ERGIC1: variants seen among roughly 807,000 people sequenced by gnomAD.
ERGIC1 encodes the protein endoplasmic reticulum-Golgi intermediate compartment protein 1.
ERGIC1 carries 19 observed loss-of-function variants against 38.3 expected under a neutral mutation model. The ratio of observed to expected loss-of-function variants is 0.50; its 90% CI spans 0.35 to 0.73. ERGIC1 has a LOEUF of 0.73. ERGIC1 is among the 30% of genes least tolerant of loss of function. The probability of loss-of-function intolerance (pLI) is 0.01; values close to 1 mark genes in which losing one functional copy is unlikely to be tolerated. For missense variants in ERGIC1, 294 were observed against 389.2 expected (o/e 0.76, Z 2.06); for synonymous variants, 124 against 157.6 (o/e 0.79, Z 1.60).
At chr5:172,893,935 G>GTGTGTGTGTATATATA (rs1429850022) in intron 2 of ERGIC1, among the ~76,000 whole-genome samples, 2 of 42,826 alleles carry the variant, frequency 4.7e-5, no homozygotes, top group South Asian at 8.7e-4. Context: ...GTGTGTGTGT[G>GTGTGTGTGTATATATA]TATATATATA....
chr5:172,898,071 T>G (rs1193539147), intron 3 of ERGIC1: 59 of 396,228 alleles, frequency 1.5e-4, no homozygotes, highest in Non-Finnish European at 1.3e-5. Flanking sequence ...TCAAAGCCTC[T>G]TCATTTCTGT....
At position 172,837,165 on chromosome 5, in the gene ERGIC1, A is replaced by C. The variant is rs1238858324; in HGVS notation, c.20+2732A>C. ...CCCCTTCTTAAAATCAGAAGCAGGA[A>C]AAATAGTGCACTCTTGCCCTTCCCT... On this transcript the variant is annotated intron_variant, in intron 1 of 9. Transcript: ENST00000393784. This position sits in a 1 kb window ranked among gnomAD's most constrained non-coding sequence, Gnocchi z 4.3. 6.6e-6 allele frequency among the ~76,000 whole-genome samples: 1 copy of C among 152,118 alleles called. No homozygotes were observed. The highest frequency in any genetic ancestry group is 1.5e-5 in the Non-Finnish European group (1 of 68,018).
chr5:172,918,857 T>C (rs1763440577), intron 5 of ERGIC1, among the ~76,000 whole-genome samples: 1 of 152,194 alleles, frequency 6.6e-6, no homozygotes, highest in South Asian at 2.1e-4. Context: ...GAACCACTAC[T>C]CACCCACAGG....
Position 172,914,784 on chromosome 5 carries a change from C to T in ERGIC1, c.321C>T (p.Ile107=). ...EVGHIDNSMK[I]PLNNGAGCRF... ...GCCACATCGACAACTCCATGAAGAT[C>T]CCGCTGAACAATGGGGCAGGCTGCC... The change falls in exon 5 of 10, where the codon ATC becomes ATT. Residue 107 remains isoleucine, a synonymous_variant. Transcript: ENST00000393784. The T allele has an allele frequency of 3.7e-6, 6 of 1,614,188 alleles. No homozygotes were observed. Among genetic ancestry groups the T allele is most frequent in the East Asian group, 4.5e-5 (2 of 44,888 alleles).
At chr5:172,864,263 G>A (rs897676759) in intron 1 of ERGIC1, among the ~76,000 whole-genome samples, 1 of 133,684 alleles carries the variant, frequency 7.5e-6, no homozygotes, top group Non-Finnish European at 1.6e-5. Flanking sequence ...TAAATATTTT[G>A]TAGTCTTTTT....
intron 1 of ERGIC1, among the ~76,000 whole-genome samples, chr5:172,838,679 T>G (rs1440353799): frequency 6.6e-6 from 1 of 152,076 alleles, no homozygotes; most frequent in East Asian, 2.0e-4. Context: ...TCATCCTCCT[T>G]CCTTGGCCTC....
intron 2 of ERGIC1, among the ~76,000 whole-genome samples, chr5:172,893,156 GT>G (rs1274946998): frequency 6.6e-6 from 1 of 151,808 alleles, no homozygotes; most frequent in African/African-American, 2.4e-5. Flanking sequence ...GTTTTGTTTC[GT>G]TTTTTTTGAG....
At position 172,846,461 on chromosome 5, in the gene ERGIC1, T is replaced by C. The variant is rs561438790; in HGVS notation, c.20+12028T>C. Among the ~76,000 whole-genome samples the C allele has an allele frequency of 1.2e-4, 19 of 152,286 alleles. No homozygotes were observed. The highest frequency in any genetic ancestry group is 4.1e-4 in the African/African-American group (17 of 41,544). ...TGCCAGGCTGATGTCAGGTGGTTTA[T>C]AGTCATGATCTCATTTCACCATCAT... On this transcript the variant is annotated intron_variant, in intron 1 of 9. Coordinates refer to ENST00000393784, the MANE Select transcript of ERGIC1 (RefSeq NM_001031711.3). The surrounding 1 kb of genome is among the most constrained non-coding windows in gnomAD (Gnocchi z 4.0).
intron 5 of ERGIC1, 86 bp from the exon 6 acceptor site, chr5:172,923,919 C>T: frequency 8.4e-7 from 1 of 1,188,564 alleles, no homozygotes; most frequent in Non-Finnish European, 1.2e-6. Flanking sequence ...TTCCAGTGTC[C>T]TCCCTGGATC....
chr5:172,857,263 G>A (rs1488794852), intron 1 of ERGIC1, among the ~76,000 whole-genome samples: 1 of 152,188 alleles, frequency 6.6e-6, no homozygotes, highest in African/African-American at 2.4e-5. Context: ...GGGCTGAGAC[G>A]CTTGGCATTG....
intron 1 of ERGIC1, among the ~76,000 whole-genome samples, chr5:172,884,941 G>A (rs147182160): frequency 2.0e-5 from 3 of 151,942 alleles, no homozygotes; most frequent in East Asian, 3.9e-4. Flanking sequence ...GAGGCACCTG[G>A]CCCCACTATC....
At chr5:172,897,443 A>AAAAG (rs780361647) in intron 3 of ERGIC1, among the ~76,000 whole-genome samples, 7 of 142,414 alleles carry the variant, frequency 4.9e-5, no homozygotes, top group African/African-American at 1.6e-4. Flanking sequence ...AAAAAAAAAA[A>AAAAG]AGAGAGAGAG....
chr5:172,864,108 A>G (rs1159875153), intron 1 of ERGIC1, among the ~76,000 whole-genome samples: 6 of 151,884 alleles, frequency 4.0e-5, no homozygotes, highest in Non-Finnish European at 8.8e-5. Flanking sequence ...GAGGCAGGAG[A>G]ATCGCTTGAA....
rs1762928330 is a variant in ERGIC1 at position 172,903,142 on chromosome 5, G to A, written c.155+6068G>A. On this transcript the variant is annotated intron_variant, in intron 3 of 9. Coordinates refer to ENST00000393784, the MANE Select transcript of ERGIC1 (RefSeq NM_001031711.3). ...AGCGCGTGCCTTCCCTGCATCCTGG[G>A]AGTTCTGCTGAGGACTCCCTCCTCC... is the stretch of plus-strand genomic sequence containing the variant. Among the ~76,000 whole-genome samples the A allele has an allele frequency of 2.0e-5, 3 of 152,270 alleles. No homozygotes were observed. The South Asian group carries it at 6.2e-4, about 32-fold the overall frequency.
chr5:172,875,170 TAGC>T (rs1762113571), intron 1 of ERGIC1, among the ~76,000 whole-genome samples: 1 of 152,230 alleles, frequency 6.6e-6, no homozygotes, highest in African/African-American at 2.4e-5. Context: ...TTAGCTGAAG[TAGC>T]AGAAAAGTGG....
At chr5:172,923,409 G>C (rs2113450534) in intron 5 of ERGIC1, among the ~76,000 whole-genome samples, 1 of 152,162 alleles carries the variant, frequency 6.6e-6, no homozygotes, top group East Asian at 1.9e-4. Context: ...CTGAAACAAG[G>C]AGAAGCTGCA....
At chr5:172,906,933 C>T (rs1396855595) in intron 3 of ERGIC1, among the ~76,000 whole-genome samples, 1 of 152,188 alleles carries the variant, frequency 6.6e-6, no homozygotes, top group East Asian at 1.9e-4. Flanking sequence ...GCTTCTGGCA[C>T]TCAGCACCTC....
intron 3 of ERGIC1, among the ~76,000 whole-genome samples, chr5:172,909,428 G>A (rs1344727020): frequency 6.6e-6 from 1 of 151,922 alleles, no homozygotes; most frequent in African/African-American, 2.4e-5. Flanking sequence ...CCAAAGTGCT[G>A]GGATAACAGG....
intron 5 of ERGIC1, chr5:172,920,257 C>G: frequency 1.4e-6 from 1 of 709,994 alleles, no homozygotes; most frequent in Non-Finnish European, 2.6e-6. Context: ...CTCAAAGAAG[C>G]CACCAGGGTC....
Sources: allele counts gnomAD v4.1 joint callset (sites outside exome capture counted in the v4.1 genomes callset), GRCh38; gene constraint gnomAD v4.1.1; non-coding constraint Gnocchi (gnomAD v3.1); transcripts MANE v1.5; gene names NCBI Gene and HGNC (gene_info 2026-07-23, HGNC 2026-07-21).